The following CA10 variants were observed in gnomAD, a reference collection of about 807,000 sequenced individuals.
CA10 encodes carbonic anhydrase-related protein 10.
Under a neutral mutation model 44.2 loss-of-function variants are expected in CA10, and 14 were observed. The ratio of observed to expected loss-of-function variants is 0.32; its 90% CI spans 0.21 to 0.50. The LOEUF (loss-of-function observed/expected upper bound fraction) is 0.50, where lower values mean the gene tolerates loss of function less well. Ranked by LOEUF, CA10 falls within the 20% of genes least tolerant of loss-of-function variation. The pLI is 0.99. For synonymous variants in CA10, 159 were observed against 141.6 expected (o/e 1.12, Z -0.87); for missense variants, 350 against 409.7 (o/e 0.85, Z 1.26).
intron 1 of CA10, among the ~76,000 whole-genome samples, chr17:52,077,764 G>A (rs1987855371): frequency 6.6e-6 from 1 of 151,964 alleles, no homozygotes; most frequent in Admixed American, 6.6e-5. Flanking sequence ...TCTGAAATTG[G>A]TCACCAGCAT....
At chr17:52,034,656 T>C (rs957007778) in intron 2 of CA10, among the ~76,000 whole-genome samples, 7 of 152,120 alleles carry the variant, frequency 4.6e-5, no homozygotes, top group African/African-American at 1.4e-4. Context: ...ACTTCACCAG[T>C]GCGTGACACC....
chr17:51,926,847 GTC>G (rs1567888135), intron 3 of CA10, among the ~76,000 whole-genome samples: 2 of 152,130 alleles, frequency 1.3e-5, no homozygotes, highest in African/African-American at 2.4e-5. Flanking sequence ...ACATTTAGAA[GTC>G]CTGTGGATTA....
chr17:51,831,083 G>A (rs986368491), intron 3 of CA10, among the ~76,000 whole-genome samples: 6 of 152,140 alleles, frequency 3.9e-5, no homozygotes, highest in South Asian at 4.1e-4. Flanking sequence ...GATTCATCAC[G>A]GAAGAGGCTG....
chr17:51,838,891 C>T (rs1978297141), intron 3 of CA10, among the ~76,000 whole-genome samples: 1 of 152,096 alleles, frequency 6.6e-6, no homozygotes, highest in Non-Finnish European at 1.5e-5. Flanking sequence ...ATCATTGTGC[C>T]CTTTATAGAC....
At chr17:51,797,623 A>G (rs1906763760) in intron 3 of CA10, among the ~76,000 whole-genome samples, 1 of 152,146 alleles carries the variant, frequency 6.6e-6, no homozygotes, top group Non-Finnish European at 1.5e-5. Flanking sequence ...TGGGAAGCTG[A>G]GGCAGGCGGA....
Position 52,077,454 on chromosome 17 carries a change from G to C in CA10, c.62-5061C>G, listed in dbSNP as rs1393167763. ...GTGCCAACTGCTCCACTTTGCCATT[G>C]TAGCACAAAAACAGCTGTATACAAT... On this transcript the variant is annotated intron_variant, in intron 1 of 8. Transcript: ENST00000451037. Among the ~76,000 whole-genome samples the C allele has an allele frequency of 2.0e-5, 3 of 152,074 alleles. No homozygotes were observed. The East Asian group carries it at 5.8e-4, about 29-fold the overall frequency.
chr17:51,788,648 A>C (rs2143692542), intron 3 of CA10, among the ~76,000 whole-genome samples: 1 of 152,358 alleles, frequency 6.6e-6, no homozygotes, highest in South Asian at 2.1e-4. Flanking sequence ...AAAAACAAAC[A>C]AACCTACTGT....
intron 3 of CA10, among the ~76,000 whole-genome samples, chr17:51,803,083 C>T (rs1048631099): frequency 2.0e-5 from 3 of 152,150 alleles, no homozygotes; most frequent in African/African-American, 7.2e-5. Flanking sequence ...ACAGAGCAAA[C>T]CAGTTTCTTC....
intron 3 of CA10, among the ~76,000 whole-genome samples, chr17:51,897,403 T>A (rs375668987): frequency 1.3e-5 from 2 of 152,258 alleles, no homozygotes; most frequent in African/African-American, 4.8e-5. Flanking sequence ...TTGATCTGTC[T>A]ATTCTGTTCC....
At chr17:52,116,090 CAA>C (rs71149393) in intron 1 of CA10, among the ~76,000 whole-genome samples, 149 of 136,696 alleles carry the variant, frequency 1.1e-3, no homozygotes, top group Admixed American at 2.8e-3. Context: ...GACTCTGTCT[CAA>C]AAAAAAAAAA....
At chr17:51,684,327 TATAAG>T (rs1445144462) in intron 4 of CA10, among the ~76,000 whole-genome samples, 2 of 152,190 alleles carry the variant, frequency 1.3e-5, no homozygotes, top group African/African-American at 4.8e-5. Context: ...CCTCCAGAAC[TATAAG>T]ATAATAAATG....
intron 2 of CA10, among the ~76,000 whole-genome samples, chr17:51,971,198 AG>A (rs544389022): frequency 1.3e-5 from 2 of 152,194 alleles, no homozygotes; most frequent in African/African-American, 4.8e-5. Flanking sequence ...AGGAGTGCCT[AG>A]AAATGAACCT....
intron 1 of CA10, among the ~76,000 whole-genome samples, chr17:52,108,908 GAAATA>G (rs1391910690): frequency 6.6e-6 from 1 of 151,772 alleles, no homozygotes; most frequent in African/African-American, 2.4e-5. Context: ...AAGTTATGGA[GAAATA>G]AAATAAAATA....
intron 1 of CA10, among the ~76,000 whole-genome samples, chr17:52,073,320 T>C (rs1598200541): frequency 6.6e-6 from 1 of 152,112 alleles, no homozygotes; most frequent in African/African-American, 2.4e-5. Flanking sequence ...TATAAGACAA[T>C]GGGTTTGAAT....
chr17:51,920,577 C>T (rs1982189798), intron 3 of CA10, among the ~76,000 whole-genome samples: 2 of 152,206 alleles, frequency 1.3e-5, no homozygotes, highest in South Asian at 4.2e-4. Flanking sequence ...AGCCAACAAC[C>T]AGGTGTTTCC....
At chr17:52,039,414 G>T in intron 2 of CA10, among the ~76,000 whole-genome samples, 1 of 151,994 alleles carries the variant, frequency 6.6e-6, no homozygotes, top group Non-Finnish European at 1.5e-5. Flanking sequence ...TTAATTCAGG[G>T]AATGAAAGTT....
In CA10 at chr17:52,025,979, G is replaced by A. The variant is rs145487416; in HGVS notation, c.136+46340C>T. Among the ~76,000 whole-genome samples the A allele has an allele frequency of 2.8e-3, 422 of 152,044 alleles. 2 individuals carry two copies. Among genetic ancestry groups the A allele is most frequent in the African/African-American group, 9.9e-3 (412 of 41,482 alleles). On this transcript the variant is annotated intron_variant, in intron 2 of 8. Transcript: ENST00000451037. ...TATACACATAGTATATATGTATAAT[G>A]TGTATATTACATATAAATATATATA...
intron 4 of CA10, among the ~76,000 whole-genome samples, chr17:51,687,238 G>C (rs972865645): frequency 6.6e-6 from 1 of 152,040 alleles, no homozygotes; most frequent in East Asian, 1.9e-4. Context: ...TACTTCCTTT[G>C]ATCTTCACAG....
intron 2 of CA10, among the ~76,000 whole-genome samples, chr17:51,981,522 G>A (rs1166428964): frequency 6.6e-6 from 1 of 151,880 alleles, no homozygotes. Context: ...CTGAGAGAGT[G>A]GTTGATTGAG....
Sources: allele counts gnomAD v4.1 joint callset (sites outside exome capture counted in the v4.1 genomes callset), GRCh38; gene constraint gnomAD v4.1.1; transcripts MANE v1.5; gene names NCBI Gene and HGNC (gene_info 2026-07-23, HGNC 2026-07-21).